FSHR: variants seen among roughly 807,000 people sequenced by gnomAD.
FSHR encodes follicle stimulating hormone receptor.
A neutral mutation model predicts 52.1 loss-of-function variants in FSHR; 46 were observed. The observed-to-expected ratio is 0.88, with a 90% CI of 0.70 to 1.13. FSHR has a LOEUF of 1.13. FSHR is among the 50% of genes most tolerant of loss of function. The pLI is 0.00. For missense variants in FSHR, 964 were observed against 834.6 expected (o/e 1.16, Z -1.91); for synonymous variants, 399 against 309.6 (o/e 1.29, Z -3.03).
At chr2:49,082,783 G>A (rs958372701) in intron 1 of FSHR, among the ~76,000 whole-genome samples, 1 of 152,070 alleles carries the variant, frequency 6.6e-6, no homozygotes, top group African/African-American at 2.4e-5. Flanking sequence ...AGCGAGGAGG[G>A]AAGTTTAGAG....
At chr2:49,014,183 C>T (rs776468724) in intron 4 of FSHR, among the ~76,000 whole-genome samples, 2 of 152,168 alleles carry the variant, frequency 1.3e-5, no homozygotes, top group Non-Finnish European at 2.9e-5. Context: ...TGCTATTTTT[C>T]AGAGCAATCA....
Position 49,141,430 on chromosome 2 carries a change from C to G in FSHR, c.152+12836G>C, listed in dbSNP as rs888912014. ...TGAAAGTTGAAGGAGGAACAGGAAT[C>G]CCACGTGGCAGAGCAGGAGCAAGGT... is the stretch of plus-strand genomic sequence containing the variant. On this transcript the variant is annotated intron_variant, in intron 1 of 9. Coordinates refer to ENST00000406846, the MANE Select transcript of FSHR (RefSeq NM_000145.4). Among the ~76,000 whole-genome samples, 3 of 152,000 alleles carry G rather than the reference C, an allele frequency of 2.0e-5. No individual in the cohort carries two copies. The East Asian group carries it at 5.8e-4, about 29-fold the overall frequency.
intron 8 of FSHR, among the ~76,000 whole-genome samples, chr2:48,975,755 A>G (rs1674959857): frequency 6.6e-6 from 1 of 152,186 alleles, no homozygotes; most frequent in South Asian, 2.1e-4. Flanking sequence ...AGCAATTGTG[A>G]ATGGGAGTTT....
intron 2 of FSHR, among the ~76,000 whole-genome samples, chr2:49,031,365 G>A (rs900693158): frequency 2.0e-5 from 3 of 152,128 alleles, no homozygotes; most frequent in South Asian, 2.1e-4. Context: ...TAGAAATTTT[G>A]TTTTGTTTTT....
intron 4 of FSHR, among the ~76,000 whole-genome samples, chr2:49,016,480 A>G (rs1161696388): frequency 2.0e-5 from 3 of 152,176 alleles, no homozygotes; most frequent in Non-Finnish European, 4.4e-5. Flanking sequence ...ATTACCATGA[A>G]AACAAGCCTA....
intron 1 of FSHR, among the ~76,000 whole-genome samples, chr2:49,076,364 G>A (rs1296737625): frequency 6.6e-6 from 1 of 152,188 alleles, no homozygotes; most frequent in Non-Finnish European, 1.5e-5. Context: ...AGCTTGTGCA[G>A]GGGAACTCAT....
intron 2 of FSHR, among the ~76,000 whole-genome samples, chr2:49,062,674 G>A (rs952819257): frequency 1.3e-5 from 2 of 151,986 alleles, no homozygotes; most frequent in Non-Finnish European, 2.9e-5. Context: ...CAAAGGATTA[G>A]TATCCAGAAT....
chr2:49,061,753 T>G (rs1055778376), intron 2 of FSHR, among the ~76,000 whole-genome samples: 1 of 124,708 alleles, frequency 8.0e-6, no homozygotes, highest in Non-Finnish European at 1.7e-5. Flanking sequence ...TATATAACTA[T>G]TTATATATAA....
intron 1 of FSHR, among the ~76,000 whole-genome samples, chr2:49,138,352 G>A (rs1672559327): frequency 6.6e-6 from 1 of 152,126 alleles, no homozygotes; most frequent in Non-Finnish European, 1.5e-5. Flanking sequence ...GCACTCCTAG[G>A]TATACACCAA....
At chr2:48,984,481 T>C (rs2104073465) in intron 6 of FSHR, among the ~76,000 whole-genome samples, 1 of 152,272 alleles carries the variant, frequency 6.6e-6, no homozygotes, top group South Asian at 2.1e-4. Context: ...TTAGGTTTTA[T>C]GGGCCAAAAG....
chr2:49,004,906 A>G (rs1393637874), intron 4 of FSHR, among the ~76,000 whole-genome samples: 1 of 152,120 alleles, frequency 6.6e-6, no homozygotes, highest in Non-Finnish European at 1.5e-5. Context: ...AATTGCACCG[A>G]ATCTGCAAAT....
intron 1 of FSHR, among the ~76,000 whole-genome samples, chr2:49,125,201 C>A (rs988422455): frequency 1.3e-5 from 2 of 152,090 alleles, no homozygotes; most frequent in African/African-American, 4.8e-5. Flanking sequence ...TAGTAGCATA[C>A]ATCATCATCT....
At chr2:49,027,725 C>T (rs145918114) in intron 2 of FSHR, among the ~76,000 whole-genome samples, 32 of 152,084 alleles carry the variant, frequency 2.1e-4, no homozygotes, top group African/African-American at 6.7e-4. Flanking sequence ...TGGCACATGC[C>T]TATAGTCTGA....
At chr2:49,114,508 G>C (rs1211611703) in intron 1 of FSHR, among the ~76,000 whole-genome samples, 1 of 152,176 alleles carries the variant, frequency 6.6e-6, no homozygotes, top group Non-Finnish European at 1.5e-5. Context: ...TCCATCTTCA[G>C]ACTGGCTGTA....
chr2:49,028,435 T>C (rs1667983976), intron 2 of FSHR, among the ~76,000 whole-genome samples: 1 of 152,190 alleles, frequency 6.6e-6, no homozygotes, highest in African/African-American at 2.4e-5. Flanking sequence ...CATTGCCCAG[T>C]CGTGTGACCT....
At chr2:48,974,802 C>T (rs1477595088) in intron 8 of FSHR, among the ~76,000 whole-genome samples, 1 of 152,122 alleles carries the variant, frequency 6.6e-6, no homozygotes, top group Non-Finnish European at 1.5e-5. Flanking sequence ...CAGATCTTGG[C>T]TAGAGACTTA....
At chr2:48,999,109 G>C (rs192318132) in intron 4 of FSHR, among the ~76,000 whole-genome samples, 29 of 152,200 alleles carry the variant, frequency 1.9e-4, no homozygotes, top group African/African-American at 7.0e-4. Context: ...AAGCCTGTGT[G>C]ATTCTGAAGA....
intron 1 of FSHR, among the ~76,000 whole-genome samples, chr2:49,089,598 C>G (rs1001729201): frequency 6.6e-6 from 1 of 152,152 alleles, no homozygotes; most frequent in Non-Finnish European, 1.5e-5. Context: ...AACAGCTCAT[C>G]CAGGCTGCAA....
At chr2:49,107,684 T>C (rs1213281458) in intron 1 of FSHR, among the ~76,000 whole-genome samples, 1 of 152,186 alleles carries the variant, frequency 6.6e-6, no homozygotes, top group Non-Finnish European at 1.5e-5. Context: ...GGCTTTATAT[T>C]CTTATGTTGT....
Sources: gnomAD v4.1 joint callset for allele counts (sites outside exome capture counted in the v4.1 genomes callset) on GRCh38, gnomAD v4.1.1 for gene constraint, MANE v1.5 for transcripts, NCBI Gene and HGNC (gene_info 2026-07-23, HGNC 2026-07-21) for gene names.